NRXN1: variants seen among roughly 807,000 people sequenced by gnomAD.
NRXN1 encodes neurexin 1, also known as neurexin-1.
NRXN1 carries 39 observed loss-of-function variants against 150.9 expected under a neutral mutation model. That is an observed-to-expected ratio of 0.26 (90% CI 0.20 to 0.34). NRXN1 has a LOEUF of 0.34. Ranked by LOEUF, NRXN1 falls within the 10% of genes least tolerant of loss-of-function variation. The probability of loss-of-function intolerance (pLI) is 1.00; values close to 1 mark genes in which losing one functional copy is unlikely to be tolerated. For missense variants in NRXN1, 1,815 were observed against 1,949.9 expected (o/e 0.93, Z 1.30); for synonymous variants, 924 against 757.0 (o/e 1.22, Z -3.62).
intron 5 of NRXN1, among the ~76,000 whole-genome samples, chr2:50,633,676 G>A (rs1193792413): frequency 1.3e-5 from 2 of 151,868 alleles, no homozygotes; most frequent in African/African-American, 4.8e-5. Flanking sequence ...AAAACCTATG[G>A]CATATCTTTG....
At chr2:50,887,353 C>T (rs1004512121) in intron 5 of NRXN1, among the ~76,000 whole-genome samples, 18 of 151,414 alleles carry the variant, frequency 1.2e-4, no homozygotes, top group African/African-American at 3.6e-4. Flanking sequence ...GTTTCAGATA[C>T]GTACTAGGCT....
At chr2:50,396,497 AG>A (rs1172934909) in intron 17 of NRXN1, among the ~76,000 whole-genome samples, 6 of 152,206 alleles carry the variant, frequency 3.9e-5, no homozygotes, top group Admixed American at 3.3e-4. Flanking sequence ...GAATTTTACT[AG>A]GTAGTGAATT....
chr2:50,397,730 TTG>T (rs2082137379), intron 17 of NRXN1, among the ~76,000 whole-genome samples: 1 of 152,154 alleles, frequency 6.6e-6, no homozygotes, highest in Non-Finnish European at 1.5e-5. Context: ...AGGAAATCTG[TTG>T]TGTTTAGAAT....
intron 2 of NRXN1, among the ~76,000 whole-genome samples, chr2:50,943,040 A>T (rs937009052): frequency 6.6e-6 from 1 of 152,142 alleles, no homozygotes; most frequent in South Asian, 2.1e-4. Flanking sequence ...TCTTCTGGTG[A>T]TAGAATTCTT....
chr2:50,453,471 T>G (rs1470692643), intron 17 of NRXN1, among the ~76,000 whole-genome samples: 1 of 152,180 alleles, frequency 6.6e-6, no homozygotes, highest in Non-Finnish European at 1.5e-5. Flanking sequence ...AAACTTTTTT[T>G]CTCAACTCCT....
At chr2:50,805,759 T>C (rs1667429617) in intron 5 of NRXN1, among the ~76,000 whole-genome samples, 1 of 152,146 alleles carries the variant, frequency 6.6e-6, no homozygotes, top group Non-Finnish European at 1.5e-5. Flanking sequence ...TTGTAGAAAA[T>C]ATGGAGAGAA....
intron 18 of NRXN1, among the ~76,000 whole-genome samples, chr2:50,165,001 C>A (rs772140291): frequency 2.0e-5 from 3 of 152,076 alleles, no homozygotes; most frequent in Admixed American, 6.6e-5. Context: ...TACTCCTCAC[C>A]TGGAGGTTTC....
At chr2:50,558,233 T>C (rs963755746) in intron 8 of NRXN1, among the ~76,000 whole-genome samples, 4 of 152,216 alleles carry the variant, frequency 2.6e-5, no homozygotes, top group African/African-American at 9.6e-5. Flanking sequence ...ATTATTCTAC[T>C]TTATCAATAA....
intron 19 of NRXN1, among the ~76,000 whole-genome samples, chr2:50,080,894 T>C (rs1324343906): frequency 6.6e-6 from 1 of 152,168 alleles, no homozygotes; most frequent in Non-Finnish European, 1.5e-5. Flanking sequence ...AGGTTTCTCC[T>C]CATATGTTCA....
chr2:51,006,470 C>T (rs1292027719), intron 2 of NRXN1, among the ~76,000 whole-genome samples: 1 of 151,844 alleles, frequency 6.6e-6, no homozygotes, highest in Non-Finnish European at 1.5e-5. Context: ...GGGTGCAGCA[C>T]ACCAACGTGG....
At position 50,370,484 on chromosome 2, in the gene NRXN1, T is replaced by A. The variant is rs187275750; in HGVS notation, c.3364+94958A>T. Among the ~76,000 whole-genome samples, 511 of 152,160 alleles carry A rather than the reference T, an allele frequency of 3.4e-3. 2 individuals are homozygous for A. Among genetic ancestry groups the A allele is most frequent in the Non-Finnish European group, 5.2e-3 (354 of 67,948 alleles). ...GCTGTTAGAATGATGCTTTCTGGCA[T>A]GTCTGTATGTATCTATAAAAAAAAC... On this transcript the variant is annotated intron_variant, in intron 17 of 22. Coordinates refer to ENST00000401669, the MANE Select transcript of NRXN1 (RefSeq NM_001330078.2).
chr2:50,651,080 C>A (rs1053229552), intron 5 of NRXN1, among the ~76,000 whole-genome samples: 2 of 151,900 alleles, frequency 1.3e-5, no homozygotes, highest in Non-Finnish European at 2.9e-5. Context: ...TAATAAGAAA[C>A]TAATTGATAT....
At chr2:51,031,821 C>T (rs1671610572) in intron 1 of NRXN1, among the ~76,000 whole-genome samples, 160 bp downstream of exon 1, 1 of 111,900 alleles carries the variant, frequency 8.9e-6, no homozygotes, top group African/African-American at 3.4e-5. Flanking sequence ...TAAAAGGCTT[C>T]ATGCAAAACA....
At chr2:50,744,438 G>C (rs1000856851) in intron 5 of NRXN1, among the ~76,000 whole-genome samples, 1 of 151,794 alleles carries the variant, frequency 6.6e-6, no homozygotes, top group Non-Finnish European at 1.5e-5. Context: ...ATTATAACAA[G>C]ATATAATTAA....
Position 49,922,080 on chromosome 2 carries a change from T to G in NRXN1, c.4388A>C (p.Tyr1463Ser). ...GTAGTTTCGACTCTCGTCCACATGG[T>G]ATGAGCCTTCATCCCGGTTTCTGTA... ...YKYRNRDEGS[Y>S]HVDESRNYIS... is the part of the protein sequence containing the mutation. The change falls in exon 23 of 23, where the codon TAC becomes TCC. Residue 1463 changes from tyrosine (Y) to serine (S), a missense_variant. Around this residue, in one of 6 missense-constraint regions of NRXN1, gnomAD observed 265 missense variants for 307.1 expected, o/e 0.86. Coordinates refer to ENST00000401669, the MANE Select transcript of NRXN1 (RefSeq NM_001330078.2). 6.2e-7 allele frequency: 1 copy of G among 1,614,176 alleles called. No homozygotes were observed. Among genetic ancestry groups the G allele is most frequent in the Non-Finnish European group, 8.5e-7 (1 of 1,180,030 alleles).
chr2:50,247,360 T>G (rs1215502204), intron 17 of NRXN1, among the ~76,000 whole-genome samples: 1 of 152,076 alleles, frequency 6.6e-6, no homozygotes, highest in Non-Finnish European at 1.5e-5. Flanking sequence ...AAAAGCTGGA[T>G]ATACCTTGCT....
intron 18 of NRXN1, among the ~76,000 whole-genome samples, chr2:50,128,271 TAGAG>T (rs1704911867): frequency 6.6e-6 from 1 of 152,070 alleles, no homozygotes; most frequent in Non-Finnish European, 1.5e-5. Flanking sequence ...AAAAAAGAGA[TAGAG>T]AAAGACCATG....
chr2:49,919,109 A>C lies in NRXN1; in HGVS notation c.*2835T>G, dbSNP rs553997030. 6.6e-6 allele frequency: 1 copy of C among 152,158 alleles called. No individual in the cohort carries two copies. The highest frequency in any genetic ancestry group is 2.4e-5 in the African/African-American group (1 of 41,462). 9.4% of individuals were successfully genotyped at this position (152,158 alleles called of 1,614,324 possible). ...TCTTTTAAAAAAGGCAACACATTACATGGATAAAAAAGAAGCATAATCAAT... is the reference window on the plus strand; with the variant it reads ...TCTTTTAAAAAAGGCAACACATTACCTGGATAAAAAAGAAGCATAATCAAT... On this transcript the variant is annotated 3_prime_UTR_variant, in exon 23 of 23. Coordinates refer to ENST00000401669, the MANE Select transcript of NRXN1 (RefSeq NM_001330078.2).
Position 50,959,578 on chromosome 2 carries a change from G to A in NRXN1, c.773-33623C>T, listed in dbSNP as rs1395628296. Among the ~76,000 whole-genome samples, 3 of 152,000 alleles carry A rather than the reference G, an allele frequency of 2.0e-5. No homozygotes were observed. The South Asian group carries it at 6.2e-4, about 31-fold the overall frequency. On this transcript the variant is annotated intron_variant, in intron 2 of 22. Coordinates refer to ENST00000401669, the MANE Select transcript of NRXN1 (RefSeq NM_001330078.2). The stretch of plus-strand genomic sequence containing the variant: ...TAGAGCTATAAGTAGATGAATAGAT[G>A]CCAGGAACTGGGGACAGTGAAGAAT...
Sources: gnomAD v4.1 joint callset for allele counts (sites outside exome capture counted in the v4.1 genomes callset) on GRCh38, gnomAD v4.1.1 for gene constraint, gnomAD v4.1.1 regional missense constraint, MANE v1.5 for transcripts, NCBI Gene and HGNC (gene_info 2026-07-23, HGNC 2026-07-21) for gene names.